BCL2: variants seen among roughly 807,000 people sequenced by gnomAD.
The protein encoded by BCL2 is BCL2 apoptosis regulator.
Under a neutral mutation model 14.2 loss-of-function variants are expected in BCL2, and 1 was observed. The ratio of observed to expected loss-of-function variants is 0.07; its 90% CI spans 0.02 to 0.33. The LOEUF is 0.33. Ranked by LOEUF, BCL2 falls within the 10% of genes least tolerant of loss-of-function variation. The pLI is 0.99. For synonymous variants in BCL2, 151 were observed against 137.2 expected (o/e 1.10, Z -0.70); for missense variants, 247 against 305.9 (o/e 0.81, Z 1.44).
intron 2 of BCL2, among the ~76,000 whole-genome samples, chr18:63,297,995 A>C (rs1458712836): frequency 1.3e-5 from 2 of 152,182 alleles, no homozygotes; most frequent in Non-Finnish European, 2.9e-5. Context: ...TGGAGCCAAG[A>C]GAGCTTGGCT....
At chr18:63,211,808 A>C (rs1376098972) in intron 2 of BCL2, among the ~76,000 whole-genome samples, 1 of 152,228 alleles carries the variant, frequency 6.6e-6, no homozygotes, top group Non-Finnish European at 1.5e-5. Flanking sequence ...CATGCCACGC[A>C]AAGGTCCCCT....
chr18:63,211,517 A>G (rs1910002959), intron 2 of BCL2, among the ~76,000 whole-genome samples: 2 of 152,074 alleles, frequency 1.3e-5, no homozygotes. Context: ...ATATATTTTT[A>G]AGTCTTCACC....
At chr18:63,190,178 C>T (rs564990248) in intron 2 of BCL2, among the ~76,000 whole-genome samples, 1 of 152,232 alleles carries the variant, frequency 6.6e-6, no homozygotes, top group African/African-American at 2.4e-5. Context: ...AGGGTAATTT[C>T]CCATCATTCT....
chr18:63,282,163 G>A (rs1176512629), intron 2 of BCL2, among the ~76,000 whole-genome samples: 2 of 152,096 alleles, frequency 1.3e-5, no homozygotes, highest in African/African-American at 4.8e-5. Flanking sequence ...TAATTAAAAG[G>A]GCATAAATGT....
intron 2 of BCL2, among the ~76,000 whole-genome samples, chr18:63,233,480 TG>T (rs778427018): frequency 1.3e-5 from 2 of 151,432 alleles, no homozygotes; most frequent in Admixed American, 6.6e-5. Flanking sequence ...TAGACGGGGG[TG>T]GGGGATGGTT....
intron 2 of BCL2, among the ~76,000 whole-genome samples, chr18:63,174,308 C>A (rs183905249): frequency 2.5e-3 from 386 of 152,210 alleles, no homozygotes; most frequent in Middle Eastern, 0.01. Context: ...ATGAGAAACA[C>A]AATTGAAACT....
intron 2 of BCL2, among the ~76,000 whole-genome samples, chr18:63,264,105 G>T (rs1045720989): frequency 5.9e-5 from 9 of 152,142 alleles, no homozygotes; most frequent in South Asian, 2.1e-4. Flanking sequence ...ATAGTAAAAC[G>T]CTCAGCATGC....
chr18:63,176,158 G>C (rs115860627), intron 2 of BCL2, among the ~76,000 whole-genome samples: 37 of 152,186 alleles, frequency 2.4e-4, no homozygotes, highest in African/African-American at 8.7e-4. Context: ...TATTAGCATG[G>C]GGAGCAATGG....
At chr18:63,261,161 T>A (rs1401679331) in intron 2 of BCL2, among the ~76,000 whole-genome samples, 2 of 152,190 alleles carry the variant, frequency 1.3e-5, no homozygotes, top group Non-Finnish European at 2.9e-5. Flanking sequence ...AAGGAAAGGT[T>A]AAGCAGGAGG....
intron 2 of BCL2, among the ~76,000 whole-genome samples, chr18:63,270,032 C>T (rs916271793): frequency 6.6e-6 from 1 of 152,066 alleles, no homozygotes; most frequent in African/African-American, 2.4e-5. Flanking sequence ...GCTCATTATA[C>T]TCAACATCAC....
chr18:63,187,978 G>C (rs993485105), intron 2 of BCL2, among the ~76,000 whole-genome samples: 1 of 152,170 alleles, frequency 6.6e-6, no homozygotes, highest in African/African-American at 2.4e-5. Flanking sequence ...CCTGCTCATA[G>C]GGCTGGCGTT....
chr18:63,184,708 G>A (rs1164991422), intron 2 of BCL2, among the ~76,000 whole-genome samples: 1 of 152,248 alleles, frequency 6.6e-6, no homozygotes, highest in Non-Finnish European at 1.5e-5. Context: ...GAAGGCTTCT[G>A]TAAACTGTTG....
chr18:63,131,012 G>A (rs1420689359), intron 2 of BCL2, among the ~76,000 whole-genome samples: 2 of 152,100 alleles, frequency 1.3e-5, no homozygotes, highest in East Asian at 3.9e-4. Flanking sequence ...CATTTTTAGT[G>A]GTCATGATTT....
chr18:63,236,694 G>A (rs772673682), intron 2 of BCL2, among the ~76,000 whole-genome samples: 1 of 152,062 alleles, frequency 6.6e-6, no homozygotes, highest in South Asian at 2.1e-4. Flanking sequence ...CATTCACTGC[G>A]CATCTGCCGA....
At chr18:63,233,108 G>C (rs1033683467) in intron 2 of BCL2, among the ~76,000 whole-genome samples, 1 of 152,134 alleles carries the variant, frequency 6.6e-6, no homozygotes, top group Non-Finnish European at 1.5e-5. Context: ...AGAGCTCCGT[G>C]GGGTCTCTTT....
At chr18:63,269,535 T>C (rs564818009) in intron 2 of BCL2, among the ~76,000 whole-genome samples, 16 of 152,282 alleles carry the variant, frequency 1.1e-4, no homozygotes, top group East Asian at 9.6e-4. Flanking sequence ...TCTCAACCCA[T>C]AGAAAAATAT....
rs75910040 is a variant in BCL2, at chr18:63,149,564, G to A, written c.586-20805C>T. On this transcript the variant is annotated intron_variant, in intron 2 of 2. Transcript: ENST00000333681. This position sits in a 1 kb window ranked among gnomAD's most constrained non-coding sequence, Gnocchi z 4.2. ...TTCTGTTACCCTCAACCCATGTGAG[G>A]GGAAGCTGGAACTATTCACGTATTT... Among the ~76,000 whole-genome samples, 2,169 of 152,274 alleles carry A rather than the reference G, an allele frequency of 0.014. 57 individuals carry two copies. The highest frequency in any genetic ancestry group is 0.05 in the African/African-American group (2,061 of 41,554).
intron 2 of BCL2, among the ~76,000 whole-genome samples, chr18:63,289,369 T>A (rs193142223): frequency 4.8e-3 from 733 of 152,250 alleles, no homozygotes; most frequent in Non-Finnish European, 7.7e-3. Context: ...TGAGATCAGA[T>A]CTGGGCCTTA....
chr18:63,264,342 C>A (rs773686366), intron 2 of BCL2, among the ~76,000 whole-genome samples: 7 of 152,182 alleles, frequency 4.6e-5, no homozygotes, highest in Non-Finnish European at 8.8e-5. Flanking sequence ...ACATTTTACA[C>A]ACCCCCTGTA....
Sources: gnomAD v4.1 joint callset for allele counts (sites outside exome capture counted in the v4.1 genomes callset) on GRCh38, gnomAD v4.1.1 for gene constraint, Gnocchi (gnomAD v3.1) non-coding constraint, MANE v1.5 for transcripts, NCBI Gene and HGNC (gene_info 2026-07-23, HGNC 2026-07-21) for gene names.